HERC1: variants seen among roughly 807,000 people sequenced by gnomAD.
HERC1 encodes the protein probable E3 ubiquitin-protein ligase HERC1.
In HERC1, 160 loss-of-function variants were observed where a neutral mutation model predicts 554.3. The observed-to-expected ratio is 0.29, with a 90% CI of 0.25 to 0.33. The LOEUF is 0.33. HERC1 is among the 10% of genes least tolerant of loss of function. The pLI is 1.00. For missense variants in HERC1, 4,919 were observed against 5,918.5 expected, an observed-to-expected ratio of 0.83 and a Z score of 5.54; for synonymous variants, 2,175 against 2,131.7, an observed-to-expected ratio of 1.02 and a Z score of -0.56.
chr15:63,725,415 T>C lies in HERC1; in HGVS notation c.3445A>G (p.Ile1149Val), dbSNP rs2073999885. Residue 1149 changes from isoleucine (I) to valine (V), a missense_variant, in exon 18 of 78, where the codon ATT (isoleucine) becomes GTT (valine). This residue lies in a region of HERC1 where 1,121 missense variants were observed against 1,244.0 expected (regional missense o/e 0.90). Transcript: ENST00000443617. ...VDLERTIALLIGRCLGGMLQG... is the reference protein window; with the variant it reads ...VDLERTIALLVGRCLGGMLQG... ...AGCATGCCACCAAGACACCGCCCAA[T>C]AAGGAGAGCAATTGTTCTTTCTAGA... 1 of 1,613,670 alleles carries C rather than the reference T, an allele frequency of 6.2e-7. No individual in the cohort carries two copies. Among genetic ancestry groups the C allele is most frequent in the Admixed American group, 1.7e-5 (1 of 60,006 alleles).
intron 16 of HERC1, among the ~76,000 whole-genome samples, chr15:63,728,798 G>C (rs1456029411): frequency 6.6e-6 from 1 of 151,830 alleles, no homozygotes; most frequent in African/African-American, 2.4e-5. Flanking sequence ...GGAGCCTATA[G>C]GAACCCACTG....
At chr15:63,802,768 G>GT (rs1162195801) in intron 1 of HERC1, among the ~76,000 whole-genome samples, 3 of 152,222 alleles carry the variant, frequency 2.0e-5, no homozygotes, top group African/African-American at 7.2e-5. Flanking sequence ...GTTACTGCAA[G>GT]TAAGTTTAAG....
In HERC1 at chr15:63,829,473, TATATAA is replaced by T. The variant is rs1254247540; in HGVS notation, c.-27+4348_-27+4353del. On this transcript the variant is annotated intron_variant, in intron 1 of 77. Transcript: ENST00000443617. The stretch of plus-strand genomic sequence containing the variant: ...GTGTGTGTGTGTGCACATATATGTT[TATATAA>T]ATATATATATATATATATATACACA... Among the ~76,000 whole-genome samples the T allele has an allele frequency of 3.0e-3, 90 of 29,522 alleles. 3 individuals carry two copies. The highest frequency in any genetic ancestry group is 4.4e-3 in the African/African-American group (52 of 11,952). The allele number at this position is 29,522 out of a possible 152,430, so 19.4% of individuals were successfully genotyped here. A position where few individuals can be genotyped will look rare whatever the true frequency, so the allele number is the denominator to read the frequency against.
In HERC1 at chr15:63,796,080, A is replaced by G. The variant is rs563799150; in HGVS notation, c.-26-20431T>C. On this transcript the variant is annotated intron_variant, in intron 1 of 77. Transcript: ENST00000443617. ...CAGCTAGCAGATTTTTAAGAATGTT[A>G]GCACAGGTCTTTAAATAAATTTTGC... 3.3e-5 allele frequency among the ~76,000 whole-genome samples: 5 copies of G among 152,388 alleles called. No individual in the cohort carries two copies. In the East Asian group the frequency reaches 9.6e-4, roughly 29 times the overall value.
At chr15:63,760,304 G>A (rs2075565436) in intron 3 of HERC1, among the ~76,000 whole-genome samples, 1 of 151,724 alleles carries the variant, frequency 6.6e-6, no homozygotes, top group African/African-American at 2.4e-5. Flanking sequence ...TAAGAGTTCA[G>A]GAAAACTAAT....
At chr15:63,642,839 C>T (rs2069138820) in intron 59 of HERC1, 118 bp downstream of exon 59, 2 of 669,456 alleles carry the variant, frequency 3.0e-6, no homozygotes, top group Non-Finnish European at 5.4e-6. Flanking sequence ...CTGTTTTGGA[C>T]AAGTAGTAAT....
chr15:63,633,732 T>G (rs898331704), intron 67 of HERC1, 116 bp downstream of exon 67: 44 of 1,111,990 alleles, frequency 4.0e-5, no homozygotes, highest in Non-Finnish European at 5.1e-5. Flanking sequence ...GCTTCTAAAC[T>G]TCATTATGAA....
rs570495368 is a variant in HERC1, at chr15:63,648,906, TC to T, written c.10748-708del. Among the ~76,000 whole-genome samples the T allele has an allele frequency of 8.5e-5, 13 of 152,154 alleles. No homozygotes were observed. In the South Asian group the frequency reaches 2.3e-3, roughly 27 times the overall value. On this transcript the variant is annotated intron_variant, in intron 54 of 77. Coordinates refer to ENST00000443617, the MANE Select transcript of HERC1 (RefSeq NM_003922.4). ...CACTATGACTTTGAATTACCCCACT[TC>T]CCCCAGACAACCAACAAAATCTTGT...
At chr15:63,637,902 G>A (rs1289978411) in intron 63 of HERC1, among the ~76,000 whole-genome samples, 1 of 152,146 alleles carries the variant, frequency 6.6e-6, no homozygotes, top group Admixed American at 6.5e-5. Context: ...AAAAGGAAGG[G>A]GTGATGGGGA....
At chr15:63,644,727 C>T (rs974480898) in intron 57 of HERC1, among the ~76,000 whole-genome samples, 5 of 152,114 alleles carry the variant, frequency 3.3e-5, no homozygotes, top group Non-Finnish European at 7.4e-5. Flanking sequence ...ACTTATGACT[C>T]GTCTATCTGT....
chr15:63,751,418 T>A lies in HERC1; in HGVS notation c.1902+1540A>T, dbSNP rs535265035. Among the ~76,000 whole-genome samples, 4 of 152,320 alleles carry A rather than the reference T, an allele frequency of 2.6e-5. No individual in the cohort carries two copies. In the East Asian group the frequency reaches 7.7e-4, roughly 29 times the overall value. ...CTACAATGTTCTCACAATAACAAAA[T>A]GGCCTAATAACACATTTCTCAGAAC... On this transcript the variant is annotated intron_variant, in intron 8 of 77. Coordinates refer to ENST00000443617, the MANE Select transcript of HERC1 (RefSeq NM_003922.4).
chr15:63,709,916 GCT>G (rs879780384), intron 24 of HERC1, among the ~76,000 whole-genome samples: 25 of 152,328 alleles, frequency 1.6e-4, no homozygotes, highest in South Asian at 4.1e-4. Context: ...AGCTGGGAAA[GCT>G]TTCTGGAAGA....
chr15:63,737,516 GAT>G lies in HERC1; in HGVS notation c.2521-2669_2521-2668del, dbSNP rs754808106. On this transcript the variant is annotated intron_variant, in intron 12 of 77. Coordinates refer to ENST00000443617, the MANE Select transcript of HERC1 (RefSeq NM_003922.4). ...TATACATATATATATCTTTTTTCCA[GAT>G]ATATATATATATATATATATATATA... 4.9e-3 allele frequency among the ~76,000 whole-genome samples: 226 copies of G among 46,436 alleles called. 19 individuals are homozygous for G. Among genetic ancestry groups the G allele is most frequent in the South Asian group, 0.012 (12 of 1,020 alleles). 30.5% of individuals were successfully genotyped at this position (46,436 alleles called of 152,430 possible).
chr15:63,654,375 C>A, intron 50 of HERC1, 51 bp from the exon 51 acceptor site: 1 of 1,359,848 alleles, frequency 7.4e-7, no homozygotes, highest in South Asian at 1.2e-5. Flanking sequence ...GGCAATTAAA[C>A]CTGCTTAAAC....
At chr15:63,633,512 G>T (rs151245685) in intron 67 of HERC1, among the ~76,000 whole-genome samples, 72 of 152,202 alleles carry the variant, frequency 4.7e-4, no homozygotes, top group African/African-American at 1.6e-3. Context: ...GCATGCAGAG[G>T]GTTACAAAGG....
rs2152922117 is a variant in HERC1 at position 63,658,665 on chromosome 15, G to C, written c.9478C>G (p.Gln3160Glu). ...SSSGRITLGE[Q>E]AAALANPHDR... ...TGAGGGTTTGCTAGGGCAGCTGCCT[G>C]CTCTCCTAACGTTATTCTCCCAGAG... is the stretch of plus-strand genomic sequence containing the variant. Residue 3160 changes from glutamine to glutamate, a missense_variant, in exon 48 of 78, where the codon CAG becomes GAG. Around this residue, in one of 11 missense-constraint regions of HERC1, gnomAD observed 1,963 missense variants for 2,228.6 expected, o/e 0.88. Transcript: ENST00000443617. The C allele has an allele frequency of 6.2e-7, 1 of 1,613,862 alleles. No homozygotes were observed. The highest frequency in any genetic ancestry group is 8.5e-7 in the Non-Finnish European group (1 of 1,179,752).
intron 21 of HERC1, among the ~76,000 whole-genome samples, chr15:63,717,353 A>T (rs2073602356): frequency 6.6e-6 from 1 of 152,238 alleles, no homozygotes; most frequent in Non-Finnish European, 1.5e-5. Flanking sequence ...CTACAAATGG[A>T]GAGAAAGAGT....
intron 32 of HERC1, 33 bp downstream of exon 32, chr15:63,690,508 A>T: frequency 7.0e-7 from 1 of 1,435,178 alleles, no homozygotes; most frequent in Non-Finnish European, 9.7e-7. Flanking sequence ...GCAAATATGG[A>T]AAACATCTTC....
intron 21 of HERC1, 84 bp from the exon 22 acceptor site, chr15:63,716,557 A>C: frequency 1.7e-6 from 2 of 1,148,148 alleles, no homozygotes; most frequent in Non-Finnish European, 2.4e-6. Flanking sequence ...ATTTTTTATC[A>C]TGGAAAATAT....
Sources: allele counts gnomAD v4.1 joint callset (sites outside exome capture counted in the v4.1 genomes callset), GRCh38; gene constraint gnomAD v4.1.1; regional missense constraint gnomAD v4.1.1; transcripts MANE v1.5; gene names NCBI Gene and HGNC (gene_info 2026-07-23, HGNC 2026-07-21).